CACNA1B: variants seen among roughly 807,000 people sequenced by gnomAD.
CACNA1B encodes the protein calcium voltage-gated channel subunit alpha1 B, also known as voltage-dependent N-type calcium channel subunit alpha-1B.
A neutral mutation model predicts 247.2 loss-of-function variants in CACNA1B; 70 were observed. That is an observed-to-expected ratio of 0.28 (90% confidence interval 0.23 to 0.35). CACNA1B has a LOEUF of 0.35. Among genes scored for constraint, CACNA1B ranks in the 10% least tolerant of loss-of-function variants. The probability of loss-of-function intolerance (pLI) is 1.00; values close to 1 mark genes in which losing one functional copy is unlikely to be tolerated. For synonymous variants in CACNA1B, 1,231 were observed against 1,294.4 expected (o/e 0.95, Z 1.05); for missense variants, 2,367 against 3,197.4 (o/e 0.74, Z 6.26).
chr9:137,940,165 CCCA>C (rs1957716892), intron 6 of CACNA1B, among the ~76,000 whole-genome samples: 1 of 151,970 alleles, frequency 6.6e-6, no homozygotes, highest in African/African-American at 2.4e-5. Flanking sequence ...AAATTGGTAG[CCCA>C]TTAGCAAGTT....
At position 137,913,130 on chromosome 9, in the gene CACNA1B, A is replaced by G. The variant is rs771607296; in HGVS notation, c.531-50A>G. On this transcript the variant is annotated intron_variant, in intron 3 of 46. Coordinates refer to ENST00000371372, the MANE Select transcript of CACNA1B (RefSeq NM_000718.4). This position sits in a 1 kb window ranked among gnomAD's most constrained non-coding sequence, Gnocchi z 5.2. ...TGGTGGGAGGAGTGTGTCCTCTTCCAGGCTCAATGTGGAAACCTTTACTTC... is the reference window on the plus strand; with the variant it reads ...TGGTGGGAGGAGTGTGTCCTCTTCCGGGCTCAATGTGGAAACCTTTACTTC... 4.8e-6 allele frequency: 7 copies of G among 1,456,732 alleles called. No individual in the cohort carries two copies. In the East Asian group the frequency reaches 1.4e-4, roughly 28 times the overall value. 90.2% of individuals were successfully genotyped at this position (1,456,732 alleles called of 1,614,324 possible).
At chr9:138,075,946 C>T (rs200719360) in intron 35 of CACNA1B, 36 bp downstream of exon 35, 3 of 1,369,200 alleles carry the variant, frequency 2.2e-6, no homozygotes, top group Non-Finnish European at 3.1e-6. Context: ...AATGTCTGCT[C>T]TTCCGTCGGG....
In CACNA1B at chr9:137,888,840, G is replaced by C. The variant is rs1957054683; in HGVS notation, c.530+5957G>C. ...CAGATGGTGGCAGGCACTTCTCAGGGAGAAGCCAGGCCCAGCTCAGGGCCC... is the reference window on the plus strand; with the variant it reads ...CAGATGGTGGCAGGCACTTCTCAGGCAGAAGCCAGGCCCAGCTCAGGGCCC... On this transcript the variant is annotated intron_variant, in intron 3 of 46. Transcript: ENST00000371372. This position sits in a 1 kb window ranked among gnomAD's most constrained non-coding sequence, Gnocchi z 4.7. Among the ~76,000 whole-genome samples, 1 of 152,242 alleles carries C rather than the reference G, an allele frequency of 6.6e-6. No homozygotes were observed. Among genetic ancestry groups the C allele is most frequent in the Non-Finnish European group, 1.5e-5 (1 of 68,032 alleles).
intron 10 of CACNA1B, among the ~76,000 whole-genome samples, chr9:137,968,381 C>T (rs889493354): frequency 4.6e-5 from 7 of 152,232 alleles, no homozygotes; most frequent in African/African-American, 7.2e-5. Context: ...GGTTGAGCCC[C>T]GCTGAGCTTG....
intron 6 of CACNA1B, among the ~76,000 whole-genome samples, chr9:137,942,371 T>G (rs746702241): frequency 7.2e-5 from 11 of 152,238 alleles, no homozygotes; most frequent in Non-Finnish European, 1.2e-4. Flanking sequence ...TGTACACTGC[T>G]GGTGGGAATG....
chr9:137,928,228 G>C (rs1957573371), intron 6 of CACNA1B, among the ~76,000 whole-genome samples: 1 of 152,070 alleles, frequency 6.6e-6, no homozygotes, highest in Non-Finnish European at 1.5e-5. Flanking sequence ...CTCCCAAGTA[G>C]GTGGGACTAC....
intron 6 of CACNA1B, among the ~76,000 whole-genome samples, chr9:137,927,316 G>A (rs1957562961): frequency 6.6e-6 from 1 of 151,378 alleles, no homozygotes; most frequent in South Asian, 2.1e-4. Flanking sequence ...CCCGCCTCCT[G>A]GGTTCAAGTG....
chr9:137,977,496 T>C (rs1357982388), intron 12 of CACNA1B, among the ~76,000 whole-genome samples: 1 of 146,882 alleles, frequency 6.8e-6, no homozygotes, highest in Non-Finnish European at 1.5e-5. Context: ...AGGGAGGCCT[T>C]GGAGGCAGTG....
At chr9:138,115,908 G>C (rs544005381) in intron 42 of CACNA1B, among the ~76,000 whole-genome samples, 2 of 152,342 alleles carry the variant, frequency 1.3e-5, no homozygotes, top group East Asian at 1.9e-4. Flanking sequence ...GTTCTCAGGG[G>C]CTGGCTTTGC....
At chr9:137,964,867 TG>T (rs1958057026) in intron 10 of CACNA1B, among the ~76,000 whole-genome samples, 1 of 152,218 alleles carries the variant, frequency 6.6e-6, no homozygotes, top group African/African-American at 2.4e-5. Flanking sequence ...TGCTGACCTT[TG>T]GATGGGGTTT....
chr9:138,063,367 G>A (rs1042056059), intron 31 of CACNA1B, among the ~76,000 whole-genome samples: 2 of 152,184 alleles, frequency 1.3e-5, no homozygotes, highest in Admixed American at 6.5e-5. Context: ...AGTGGCACAC[G>A]CCCGTAGTCC....
chr9:138,013,169 C>T lies in CACNA1B; in HGVS notation c.2201C>T (p.Ala734Val), dbSNP rs1471285292. ...GAAGAAGCAGCCAATCAGAAGCTTG[C>T]TCTGCAAAAGGCCAAAGAAGTGGCT... ...EMEEAANQKL[A>V]LQKAKEVAEV... Residue 734 changes from alanine (A) to valine (V), a missense_variant, in exon 18 of 47, where the codon GCT becomes GTT. Ala to Val is a moderately conservative substitution (Grantham distance 64). Coordinates refer to ENST00000371372, the MANE Select transcript of CACNA1B (RefSeq NM_000718.4). 5.0e-6 allele frequency: 8 copies of T among 1,612,544 alleles called. No individual in the cohort carries two copies. Among genetic ancestry groups the T allele is most frequent in the Non-Finnish European group, 6.8e-6 (8 of 1,179,322 alleles).
intron 36 of CACNA1B, among the ~76,000 whole-genome samples, chr9:138,086,736 G>A (rs1011029167): frequency 2.6e-5 from 4 of 151,108 alleles, no homozygotes; most frequent in East Asian, 2.0e-4. Flanking sequence ...CCTATGCTCC[G>A]CATTGAACAG....
chr9:137,960,795 C>G (rs932121106), intron 10 of CACNA1B, among the ~76,000 whole-genome samples: 1 of 152,008 alleles, frequency 6.6e-6, no homozygotes, highest in African/African-American at 2.4e-5. Flanking sequence ...CACCCTCTGG[C>G]TTCTGTGGTA....
chr9:138,046,850 G>T, intron 21 of CACNA1B, 54 bp from the exon 22 acceptor site: 1 of 1,577,762 alleles, frequency 6.3e-7, no homozygotes. Flanking sequence ...CCTGTGGCAA[G>T]GGGTGGCGCG....
Position 138,082,478 on chromosome 9 carries a change from G to A in CACNA1B, c.5094+4220G>A, listed in dbSNP as rs562752046. Among the ~76,000 whole-genome samples, 15 of 151,390 alleles carry A rather than the reference G, an allele frequency of 9.9e-5. 1 individual carries two copies. The highest frequency in any genetic ancestry group is 1.5e-4 in the African/African-American group (6 of 41,030). Reference sequence around the variant, plus strand: ...AACAGTTGATTGGTTACAGCTTAGCGTTTGCCTTATTTGAACACAGAACAG... The same window carrying A: ...AACAGTTGATTGGTTACAGCTTAGCATTTGCCTTATTTGAACACAGAACAG... On this transcript the variant is annotated intron_variant, in intron 36 of 46. Coordinates refer to ENST00000371372, the MANE Select transcript of CACNA1B (RefSeq NM_000718.4).
chr9:138,096,696 T>C, intron 37 of CACNA1B, 85 bp downstream of exon 37: 1 of 1,387,380 alleles, frequency 7.2e-7, no homozygotes, highest in Non-Finnish European at 9.9e-7. Context: ...TCAGACATGT[T>C]TCAAGTGAGC....
chr9:138,067,925 G>C (rs1311573704), intron 31 of CACNA1B, among the ~76,000 whole-genome samples: 1 of 152,220 alleles, frequency 6.6e-6, no homozygotes, highest in Non-Finnish European at 1.5e-5. Flanking sequence ...GCATCTGAGT[G>C]CCCATCGGTA....
chr9:138,078,074 AGGGCCTCTGT>A (rs771972422), intron 35 of CACNA1B, 30 bp from the exon 36 acceptor site: 2 of 1,602,454 alleles, frequency 1.2e-6, no homozygotes, highest in South Asian at 1.1e-5. Context: ...GGCTCCCTCA[AGGGCCTCTGT>A]GGGCCTCACA....
Sources: allele counts gnomAD v4.1 joint callset (sites outside exome capture counted in the v4.1 genomes callset), GRCh38; gene constraint gnomAD v4.1.1; non-coding constraint Gnocchi (gnomAD v3.1); transcripts MANE v1.5; gene names NCBI Gene and HGNC (gene_info 2026-07-23, HGNC 2026-07-21).